The following MPPED2 variants were observed in gnomAD, a reference collection of about 807,000 sequenced individuals.
The protein encoded by MPPED2 is metallophosphoesterase domain containing 2.
In MPPED2, 5 loss-of-function variants were observed where a neutral mutation model predicts 33.0. That is an observed-to-expected ratio of 0.15 (90% CI 0.08 to 0.32). The LOEUF is 0.32. MPPED2 is among the 10% of genes least tolerant of loss of function. MPPED2 has a pLI of 1.00. For missense variants in MPPED2, 275 were observed against 372.1 expected, an observed-to-expected ratio of 0.74 and a Z score of 2.15; for synonymous variants, 136 against 141.9, an observed-to-expected ratio of 0.96 and a Z score of 0.29.
intron 3 of MPPED2, among the ~76,000 whole-genome samples, chr11:30,522,717 C>T (rs1202644223): frequency 6.6e-6 from 1 of 152,178 alleles, no homozygotes; most frequent in East Asian, 1.9e-4. Context: ...CATTGAATTA[C>T]GTGGACAGTG....
chr11:30,517,408 C>T (rs938921338), intron 3 of MPPED2, among the ~76,000 whole-genome samples: 8 of 152,150 alleles, frequency 5.3e-5, no homozygotes, highest in Non-Finnish European at 1.2e-4. Flanking sequence ...AAATTTTTAA[C>T]AAGGTAGATT....
chr11:30,472,303 G>A (rs1950983804), intron 4 of MPPED2, among the ~76,000 whole-genome samples: 1 of 152,166 alleles, frequency 6.6e-6, no homozygotes, highest in Non-Finnish European at 1.5e-5. Flanking sequence ...TGAGGCTGCA[G>A]TGAGCCGTGG....
chr11:30,524,645 A>C (rs1425916230), intron 3 of MPPED2, among the ~76,000 whole-genome samples: 1 of 152,176 alleles, frequency 6.6e-6, no homozygotes, highest in Non-Finnish European at 1.5e-5. Flanking sequence ...GGATTCCAGG[A>C]GAGATGAATG....
intron 4 of MPPED2, among the ~76,000 whole-genome samples, chr11:30,478,169 T>G (rs763769804): frequency 1.3e-5 from 2 of 152,130 alleles, no homozygotes; most frequent in African/African-American, 4.8e-5. Context: ...ACCTACTTGC[T>G]TCTGTGCACC....
At chr11:30,498,444 G>A (rs1265340909) in intron 3 of MPPED2, among the ~76,000 whole-genome samples, 4 of 151,758 alleles carry the variant, frequency 2.6e-5, no homozygotes, top group Admixed American at 2.6e-4. Flanking sequence ...AATTAGCCGG[G>A]TGTGGTAGCA....
At chr11:30,395,976 C>T (rs1013178820) in intron 6 of MPPED2, among the ~76,000 whole-genome samples, 3 of 152,124 alleles carry the variant, frequency 2.0e-5, no homozygotes, top group Admixed American at 1.3e-4. Context: ...TTGACCTAAC[C>T]GGTTCTTAAA....
At chr11:30,548,971 T>C (rs1955573847) in intron 2 of MPPED2, among the ~76,000 whole-genome samples, 1 of 152,168 alleles carries the variant, frequency 6.6e-6, no homozygotes, top group Non-Finnish European at 1.5e-5. Context: ...AGACACCAAA[T>C]CATCATGACT....
At chr11:30,510,144 C>A (rs1953073200) in intron 3 of MPPED2, among the ~76,000 whole-genome samples, 1 of 152,196 alleles carries the variant, frequency 6.6e-6, no homozygotes, top group South Asian at 2.1e-4. Flanking sequence ...AATCAAATTT[C>A]ATTGTTAAGA....
intron 3 of MPPED2, chr11:30,501,555 T>C: frequency 2.3e-6 from 2 of 858,720 alleles, no homozygotes; most frequent in South Asian, 1.1e-4. Flanking sequence ...CCAGTATTTA[T>C]CAAATACCAA....
chr11:30,500,365 C>A (rs976731228), intron 3 of MPPED2, among the ~76,000 whole-genome samples: 5 of 152,214 alleles, frequency 3.3e-5, no homozygotes, highest in African/African-American at 1.2e-4. Flanking sequence ...TTCCATGACA[C>A]TCTCCTTATT....
chr11:30,571,205 T>C (rs1336130535), intron 2 of MPPED2, among the ~76,000 whole-genome samples: 1 of 151,588 alleles, frequency 6.6e-6, no homozygotes, highest in Non-Finnish European at 1.5e-5. Context: ...TAATAAAAAC[T>C]TGCACAAAAA....
At chr11:30,447,455 G>A (rs1326752157) in intron 4 of MPPED2, among the ~76,000 whole-genome samples, 3 of 152,178 alleles carry the variant, frequency 2.0e-5, no homozygotes, top group African/African-American at 7.2e-5. Flanking sequence ...GGAAAGCAGT[G>A]GCCTGACAGG....
chr11:30,399,282 C>A (rs1947878366), intron 6 of MPPED2, among the ~76,000 whole-genome samples: 1 of 152,028 alleles, frequency 6.6e-6, no homozygotes, highest in African/African-American at 2.4e-5. Flanking sequence ...CATGCTGCAT[C>A]CAATTTTCTC....
intron 4 of MPPED2, 158 bp downstream of exon 4, chr11:30,495,138 T>C: frequency 1.6e-6 from 1 of 621,680 alleles, no homozygotes; most frequent in Non-Finnish European, 2.9e-6. Flanking sequence ...CAACAAGTGT[T>C]GCATTTTGCA....
chr11:30,475,768 T>C (rs1951165994), intron 4 of MPPED2, among the ~76,000 whole-genome samples: 1 of 152,122 alleles, frequency 6.6e-6, no homozygotes, highest in Admixed American at 6.6e-5. Context: ...TGAGTACATA[T>C]CTAGGAGCAG....
chr11:30,532,498 C>A (rs1423241559), intron 3 of MPPED2, among the ~76,000 whole-genome samples: 3 of 152,160 alleles, frequency 2.0e-5, no homozygotes, highest in Non-Finnish European at 4.4e-5. Context: ...CTGTTGGTTT[C>A]CTCTACTCTA....
chr11:30,405,987 C>T (rs1005087808), downstream of MPPED2, among the ~76,000 whole-genome samples: 1 of 152,158 alleles, frequency 6.6e-6, no homozygotes, highest in Non-Finnish European at 1.5e-5. Context: ...CAACACCCAA[C>T]AGCTTCCAGA....
At chr11:30,384,631 T>A (rs1431237659) in exon 7 of MPPED2, 1 of 151,910 alleles carries the variant, frequency 6.6e-6, no homozygotes, top group Non-Finnish European at 1.5e-5. Context: ...CCAACTAATT[T>A]TTGTATTTTT....
chr11:30,414,572 A>AT (rs574457624), intron 5 of MPPED2, among the ~76,000 whole-genome samples: 362 of 148,064 alleles, frequency 2.4e-3, no homozygotes, highest in African/African-American at 7.3e-3. Flanking sequence ...GTTAATTAAC[A>AT]TTTTTTTTTC....
Sources: gnomAD v4.1 joint callset for allele counts (sites outside exome capture counted in the v4.1 genomes callset) on GRCh38, gnomAD v4.1.1 for gene constraint, MANE v1.5 for transcripts, NCBI Gene and HGNC (gene_info 2026-07-23, HGNC 2026-07-21) for gene names.